Variants in CILK1 observed in about 807,000 individuals in gnomAD.
CILK1 encodes the protein serine/threonine-protein kinase ICK.
A neutral mutation model predicts 79.2 loss-of-function variants in CILK1; 47 were observed. The observed-to-expected ratio is 0.59, with a 90% CI of 0.47 to 0.76. The LOEUF (loss-of-function observed/expected upper bound fraction) is 0.76. Ranked by LOEUF, CILK1 falls within the 30% of genes least tolerant of loss-of-function variation. The pLI is 0.00. For missense variants in CILK1, 660 were observed against 769.5 expected (o/e 0.86, Z 1.68); for synonymous variants, 266 against 275.9 (o/e 0.96, Z 0.36).
chr6:53,027,991 C>A (rs1227511113), intron 5 of CILK1, among the ~76,000 whole-genome samples: 1 of 152,064 alleles, frequency 6.6e-6, no homozygotes, highest in African/African-American at 2.4e-5. Flanking sequence ...CTAAAAAATA[C>A]AAAAAATTAG....
intron 8 of CILK1, among the ~76,000 whole-genome samples, chr6:53,015,472 A>T (rs189850489): frequency 2.6e-5 from 4 of 152,262 alleles, no homozygotes; most frequent in African/African-American, 4.8e-5. Context: ...GAACTAATTA[A>T]TGGATGAGTG....
chr6:53,013,391 G>C (rs906536539), intron 9 of CILK1, among the ~76,000 whole-genome samples: 9 of 152,156 alleles, frequency 5.9e-5, no homozygotes, highest in African/African-American at 2.2e-4. Flanking sequence ...GCTGAGATTT[G>C]AGCCCCTGGC....
At chr6:53,035,117 G>C (rs576317771) in intron 3 of CILK1, among the ~76,000 whole-genome samples, 1 of 152,314 alleles carries the variant, frequency 6.6e-6, no homozygotes, top group East Asian at 1.9e-4. Flanking sequence ...GCTGCCTTAA[G>C]TAGAGTTGCA....
At chr6:53,010,056 C>T (rs1023224196) in intron 11 of CILK1, among the ~76,000 whole-genome samples, 1 of 152,172 alleles carries the variant, frequency 6.6e-6, no homozygotes, top group Non-Finnish European at 1.5e-5. Context: ...TAAATTCCCC[C>T]TTTATCCTTC....
intron 1 of CILK1, among the ~76,000 whole-genome samples, chr6:53,042,343 C>G (rs939390529): frequency 6.6e-6 from 1 of 152,108 alleles, no homozygotes; most frequent in Non-Finnish European, 1.5e-5. Flanking sequence ...TAACTGTGGT[C>G]GATGAAAATT....
At chr6:53,052,206 T>C (rs900822975) in intron 1 of CILK1, among the ~76,000 whole-genome samples, 2 of 152,194 alleles carry the variant, frequency 1.3e-5, no homozygotes, top group African/African-American at 2.4e-5. Flanking sequence ...TCCAGCTTCA[T>C]CCATGTCCCT....
chr6:53,049,357 C>T (rs1265824052), intron 1 of CILK1, among the ~76,000 whole-genome samples: 2 of 152,224 alleles, frequency 1.3e-5, no homozygotes. Flanking sequence ...AAGAGGTGTA[C>T]AGCTGGAGAC....
chr6:53,030,341 C>T (rs1472502944), intron 5 of CILK1, among the ~76,000 whole-genome samples: 4 of 152,220 alleles, frequency 2.6e-5, no homozygotes, highest in Non-Finnish European at 5.9e-5. Context: ...ATACCGTCCT[C>T]TCTAAAGGGT....
intron 1 of CILK1, among the ~76,000 whole-genome samples, chr6:53,053,113 TAGAAG>T (rs1434266607): frequency 1.3e-5 from 2 of 152,104 alleles, no homozygotes; most frequent in Non-Finnish European, 2.9e-5. Flanking sequence ...TGTTCTTTTT[TAGAAG>T]AGAAGAGCAA....
chr6:53,039,245 G>A (rs1168175007), intron 2 of CILK1, among the ~76,000 whole-genome samples: 1 of 152,200 alleles, frequency 6.6e-6, no homozygotes, highest in African/African-American at 2.4e-5. Context: ...ATAATTTTCT[G>A]TACCAAGTGC....
At chr6:53,026,488 G>T (rs1765591114) in intron 5 of CILK1, among the ~76,000 whole-genome samples, 1 of 152,104 alleles carries the variant, frequency 6.6e-6, no homozygotes, top group South Asian at 2.1e-4. Flanking sequence ...TTAATACCTT[G>T]CAAGAGCTGG....
chr6:53,021,797 A>T (rs547821005), intron 5 of CILK1, among the ~76,000 whole-genome samples: 1 of 110,020 alleles, frequency 9.1e-6, no homozygotes, highest in Non-Finnish European at 1.8e-5. Flanking sequence ...TCTACTTACT[A>T]AAAAAAAAAA....
chr6:53,025,376 C>A (rs1765509153), intron 5 of CILK1, among the ~76,000 whole-genome samples: 1 of 152,152 alleles, frequency 6.6e-6, no homozygotes, highest in Non-Finnish European at 1.5e-5. Context: ...TTCTTCCTAT[C>A]ATCAATTCAT....
chr6:53,025,343 A>G (rs1251133791), intron 5 of CILK1, among the ~76,000 whole-genome samples: 1 of 152,080 alleles, frequency 6.6e-6, no homozygotes. Flanking sequence ...ACCACAACAA[A>G]CTTGTGTCTT....
At position 53,009,550 on chromosome 6, in the gene CILK1, C is replaced by G; in HGVS notation, c.1510G>C (p.Gly504Arg). 1.9e-6 allele frequency: 3 copies of G among 1,609,296 alleles called. No individual in the cohort carries two copies. Among genetic ancestry groups the G allele is most frequent in the Non-Finnish European group, 2.6e-6 (3 of 1,175,574 alleles). The change falls in exon 12 of 14, where the codon GGC becomes CGC. Residue 504 changes from glycine (G) to arginine (R), a missense_variant. Coordinates refer to ENST00000676107, the MANE Select transcript of CILK1 (RefSeq NM_014920.5). The stretch of plus-strand genomic sequence containing the variant: ...TCCTTGCCTGGATTCGAGAGTATGC[C>G]ATTTCTTATACTGATCCCTGATAGA... ...RYLPGISIRN[G>R]ILSNPGKEFI...
intron 1 of CILK1, among the ~76,000 whole-genome samples, chr6:53,042,884 T>C (rs930464816): frequency 6.6e-6 from 1 of 152,350 alleles, no homozygotes; most frequent in Admixed American, 6.5e-5. Flanking sequence ...ATTGTGCCAA[T>C]GCTAATTTCC....
At chr6:53,054,775 T>G (rs1767731217) in intron 1 of CILK1, 1 of 152,240 alleles carries the variant, frequency 6.6e-6, no homozygotes, top group African/African-American at 2.4e-5. Context: ...TGTTATGATG[T>G]TCCTGGCTAG....
intron 2 of CILK1, among the ~76,000 whole-genome samples, chr6:53,039,858 G>C (rs1003096852): frequency 6.6e-6 from 1 of 152,162 alleles, no homozygotes; most frequent in Non-Finnish European, 1.5e-5. Context: ...AAATGGTAAT[G>C]GGTTGAATGG....
At chr6:53,019,481 G>T in intron 5 of CILK1, 122 bp from the exon 6 acceptor site, 1 of 1,013,486 alleles carries the variant, frequency 9.9e-7, no homozygotes, top group Non-Finnish European at 1.5e-6. Flanking sequence ...GGCACCAAAG[G>T]CTTTATGCAT....
Sources: allele counts gnomAD v4.1 joint callset (sites outside exome capture counted in the v4.1 genomes callset), GRCh38; gene constraint gnomAD v4.1.1; transcripts MANE v1.5; gene names NCBI Gene and HGNC (gene_info 2026-07-23, HGNC 2026-07-21).